The following ERCC3 variants were observed in gnomAD, a reference collection of about 807,000 sequenced individuals.
ERCC3 encodes the protein ERCC excision repair 3, TFIIH core complex helicase subunit.
Under a neutral mutation model 94.2 loss-of-function variants are expected in ERCC3, and 66 were observed. The observed-to-expected ratio is 0.70, with a 90% CI of 0.57 to 0.86. The LOEUF is 0.86. Among genes scored for constraint, ERCC3 ranks in the 40% least tolerant of loss-of-function variants. The pLI, the probability that ERCC3 is intolerant of heterozygous loss-of-function variation, is 0.00. For missense variants in ERCC3, 829 were observed against 987.1 expected (o/e 0.84, Z 2.15); for synonymous variants, 349 against 369.1 (o/e 0.95, Z 0.63).
chr2:127,266,390 C>G (rs571503159), intron 12 of ERCC3, among the ~76,000 whole-genome samples: 358 of 138,260 alleles, frequency 2.6e-3, no homozygotes, highest in Non-Finnish European at 4.0e-3. Context: ...GGCTGGAGTG[C>G]AGTGGCGCGA....
intron 8 of ERCC3, among the ~76,000 whole-genome samples, chr2:127,281,496 A>G (rs986224340): frequency 6.6e-6 from 1 of 152,212 alleles, no homozygotes. Flanking sequence ...TAATTTATGG[A>G]TTTCCACGGG....
chr2:127,286,324 G>A (rs1395848187), intron 8 of ERCC3, among the ~76,000 whole-genome samples: 4 of 152,164 alleles, frequency 2.6e-5, no homozygotes, highest in Admixed American at 2.0e-4. Flanking sequence ...GATGAGGTGG[G>A]TGGATCACGA....
intron 12 of ERCC3, among the ~76,000 whole-genome samples, chr2:127,269,368 C>A (rs377446792): frequency 6.6e-6 from 1 of 151,638 alleles, no homozygotes; most frequent in African/African-American, 2.4e-5. Context: ...AAGAAAGGAG[C>A]CAAGTGTCAT....
At chr2:127,285,132 A>G (rs550184464) in intron 8 of ERCC3, among the ~76,000 whole-genome samples, 54 of 152,334 alleles carry the variant, frequency 3.5e-4, no homozygotes, top group Admixed American at 7.2e-4. Context: ...GCCAGACATA[A>G]TATATATTGT....
At position 127,264,796 on chromosome 2, in the gene ERCC3, T is replaced by A. The variant is rs1304783583; in HGVS notation, c.1946-3450A>T. On this transcript the variant is annotated intron_variant, in intron 12 of 14. Transcript: ENST00000285398. This position sits in a 1 kb window ranked among gnomAD's most constrained non-coding sequence, Gnocchi z 4.4. ...GTCTCTCCTCCTCAATTTTTTTGAATAGTTTCAGTAGAACTGAATACATCT... is the reference window on the plus strand; with the variant it reads ...GTCTCTCCTCCTCAATTTTTTTGAAAAGTTTCAGTAGAACTGAATACATCT... Among the ~76,000 whole-genome samples the A allele has an allele frequency of 6.6e-6, 1 of 152,138 alleles. No homozygotes were observed. The highest frequency in any genetic ancestry group is 1.5e-5 in the Non-Finnish European group (1 of 68,032).
Position 127,291,673 on chromosome 2 carries a change from G to A in ERCC3, c.471+937C>T, listed in dbSNP as rs1685274881. On this transcript the variant is annotated intron_variant, in intron 3 of 14. Coordinates refer to ENST00000285398, the MANE Select transcript of ERCC3 (RefSeq NM_000122.2). This position sits in a 1 kb window ranked among gnomAD's most constrained non-coding sequence, Gnocchi z 4.9. ...CCTGTGGCACTCTTCTGCCACTCCA[G>A]ATCCCAAGGTCTGAATCTGACTCCT... Among the ~76,000 whole-genome samples, 2 of 152,194 alleles carry A rather than the reference G, an allele frequency of 1.3e-5. No individual in the cohort carries two copies. The highest frequency in any genetic ancestry group is 4.8e-5 in the African/African-American group (2 of 41,450).
At chr2:127,290,550 T>C in intron 3 of ERCC3, 1 of 502,114 alleles carries the variant, frequency 2.0e-6, no homozygotes, top group South Asian at 2.0e-5. Flanking sequence ...GCCTTTCCTC[T>C]CTATTCCCAC....
At chr2:127,285,465 C>T (rs573467289) in intron 8 of ERCC3, among the ~76,000 whole-genome samples, 4 of 152,146 alleles carry the variant, frequency 2.6e-5, no homozygotes, top group South Asian at 2.1e-4. Context: ...CTGAGGTGGG[C>T]GGATCACCTG....
intron 7 of ERCC3, among the ~76,000 whole-genome samples, chr2:127,287,492 G>A (rs1685117981): frequency 6.6e-6 from 1 of 152,030 alleles, no homozygotes; most frequent in Admixed American, 6.6e-5. Context: ...AAATTAGCCG[G>A]GCATGGTGGC....
Position 127,280,339 on chromosome 2 carries a change from G to T in ERCC3, c.1527+108C>A. The T allele has an allele frequency of 9.9e-7, 1 of 1,011,534 alleles. No homozygotes were observed. The highest frequency in any genetic ancestry group is 1.5e-6 in the Non-Finnish European group (1 of 656,132). 62.7% of individuals were successfully genotyped at this position (1,011,534 alleles called of 1,614,324 possible). ...AGGATCCTGTATGAAGTGGTAGCAG[G>T]TGAGCCTAAGTCCTGACCTGTGTCT... On this transcript the variant is annotated intron_variant, in intron 9 of 14. Coordinates refer to ENST00000285398, the MANE Select transcript of ERCC3 (RefSeq NM_000122.2). The surrounding 1 kb of genome is among the most constrained non-coding windows in gnomAD (Gnocchi z 6.3).
rs761537841 is a variant in ERCC3, at chr2:127,289,718, T to A, written c.628A>T (p.Ile210Phe). Residue 210 changes from isoleucine to phenylalanine, a missense_variant, in exon 5 of 15, where the codon ATC becomes TTC. Physicochemically the swap from Ile to Phe is conservative, Grantham distance 21. Coordinates refer to ENST00000285398, the MANE Select transcript of ERCC3 (RefSeq NM_000122.2). ...GATTTGCTTGTGAAAGTCTCTGTGATGAGCTCAGTGGCCTCCCCTTCAGAG... is the reference window on the plus strand; with the variant it reads ...GATTTGCTTGTGAAAGTCTCTGTGAAGAGCTCAGTGGCCTCCCCTTCAGAG... ...RNSEGEATEL[I>F]TETFTSKSAI... is the part of the protein sequence containing the mutation. The A allele has an allele frequency of 6.2e-7, 1 of 1,614,136 alleles. No homozygotes were observed. The highest frequency in any genetic ancestry group is 1.7e-5 in the Admixed American group (1 of 60,024).
chr2:127,283,798 T>C (rs1357247443), intron 8 of ERCC3, among the ~76,000 whole-genome samples: 6 of 152,158 alleles, frequency 3.9e-5, no homozygotes, highest in African/African-American at 7.2e-5. Flanking sequence ...AAATCTGCAG[T>C]TCCCTGATGA....
At chr2:127,260,546 A>G (rs1357492537) in intron 13 of ERCC3, 2 of 152,970 alleles carry the variant, frequency 1.3e-5, no homozygotes, top group Admixed American at 1.3e-4. Flanking sequence ...CCTAAGGCCA[A>G]TAATGGGAAC....
At chr2:127,272,823 G>T in intron 11 of ERCC3, 42 bp downstream of exon 11, 2 of 1,240,048 alleles carry the variant, frequency 1.6e-6, no homozygotes, top group South Asian at 1.2e-5. Context: ...CAGGTCCCCA[G>T]AGTGCTAGGG....
intron 8 of ERCC3, chr2:127,281,052 C>G (rs1483649017): frequency 9.3e-6 from 4 of 429,190 alleles, no homozygotes; most frequent in Non-Finnish European, 1.6e-5. Context: ...TCCCAGCATT[C>G]CCCTCACAAC....
rs1684845517 is a variant in ERCC3, at chr2:127,279,664, A to G, written c.1528-289T>C. 6.6e-6 allele frequency among the ~76,000 whole-genome samples: 1 copy of G among 152,188 alleles called. No homozygotes were observed. The highest frequency in any genetic ancestry group is 2.1e-4 in the South Asian group (1 of 4,820). Reference sequence around the variant, plus strand: ...GTAATTCCAGCTACGCAGGAGGCTAAGGCAGGAGAATCACTTGCCCAGGAG... The same window carrying G: ...GTAATTCCAGCTACGCAGGAGGCTAGGGCAGGAGAATCACTTGCCCAGGAG... On this transcript the variant is annotated intron_variant, in intron 9 of 14. Transcript: ENST00000285398. This position sits in a 1 kb window ranked among gnomAD's most constrained non-coding sequence, Gnocchi z 4.7.
At chr2:127,289,973 T>C in intron 4 of ERCC3, 149 bp from the exon 5 acceptor site, 1 of 964,950 alleles carries the variant, frequency 1.0e-6, no homozygotes, top group South Asian at 1.5e-5. Flanking sequence ...CTGCCGGCCA[T>C]GATTTAACAT....
At position 127,288,713 on chromosome 2, in the gene ERCC3, C is replaced by T. The variant is rs746827111; in HGVS notation, c.974G>A (p.Arg325Gln). Reference protein sequence around the residue: ...VLRPYQEKSLRKMFGNGRARS... With the variant: ...VLRPYQEKSLQKMFGNGRARS... ...TGCACGCCCGTTTCCAAACATCTTT[C>T]GCAAGCTCTTCTCCTGATAGGGTCT... is the stretch of plus-strand genomic sequence containing the variant. Residue 325 changes from arginine (R) to glutamine (Q), a missense_variant, in exon 7 of 15, where the codon CGA (arginine) becomes CAA (glutamine). Coordinates refer to ENST00000285398, the MANE Select transcript of ERCC3 (RefSeq NM_000122.2). 6.8e-6 allele frequency: 11 copies of T among 1,614,128 alleles called. No homozygotes were observed. The highest frequency in any genetic ancestry group is 3.3e-5 in the South Asian group (3 of 91,090).
rs1484359424 is a variant in ERCC3 at position 127,258,448 on chromosome 2, C to T, written c.2218-721G>A. On this transcript the variant is annotated intron_variant, in intron 14 of 14. Coordinates refer to ENST00000285398, the MANE Select transcript of ERCC3 (RefSeq NM_000122.2). This position sits in a 1 kb window ranked among gnomAD's most constrained non-coding sequence, Gnocchi z 4.1. ...CCACATCAGTGCTGACATTGCTATC[C>T]TGTGAGGAGAATGAACCAGGCACCT... is the stretch of plus-strand genomic sequence containing the variant. Among the ~76,000 whole-genome samples the T allele has an allele frequency of 1.3e-5, 2 of 152,182 alleles. No individual in the cohort carries two copies. Among genetic ancestry groups the T allele is most frequent in the African/African-American group, 4.8e-5 (2 of 41,444 alleles).
Sources: gnomAD v4.1 joint callset for allele counts (sites outside exome capture counted in the v4.1 genomes callset) on GRCh38, gnomAD v4.1.1 for gene constraint, Gnocchi (gnomAD v3.1) non-coding constraint, MANE v1.5 for transcripts, NCBI Gene and HGNC (gene_info 2026-07-23, HGNC 2026-07-21) for gene names.